The following DLGAP1 variants were observed in gnomAD, a reference collection of about 807,000 sequenced individuals.
DLGAP1 encodes DLG associated protein 1, also known as disks large-associated protein 1.
Under a neutral mutation model 90.8 loss-of-function variants are expected in DLGAP1, and 11 were observed. The ratio of observed to expected loss-of-function variants is 0.12; its 90% CI spans 0.08 to 0.20. The LOEUF (loss-of-function observed/expected upper bound fraction) is 0.20. DLGAP1 is among the 10% of genes least tolerant of loss of function. DLGAP1 has a pLI of 1.00. For synonymous variants in DLGAP1, 558 were observed against 540.7 expected, an observed-to-expected ratio of 1.03 and a Z score of -0.44; for missense variants, 1,050 against 1,333.8, an observed-to-expected ratio of 0.79 and a Z score of 3.31.
chr18:3,640,548 G>A (rs536733680), intron 7 of DLGAP1, among the ~76,000 whole-genome samples: 2 of 152,328 alleles, frequency 1.3e-5, no homozygotes, highest in African/African-American at 2.4e-5. Flanking sequence ...TGGAGACACC[G>A]GCAGGTCAGG....
At chr18:4,257,790 A>G (rs948626397) in intron 1 of DLGAP1, among the ~76,000 whole-genome samples, 6 of 151,750 alleles carry the variant, frequency 4.0e-5, no homozygotes, top group African/African-American at 1.5e-4. Context: ...ATGCCTGGCT[A>G]ATTTCTGTAT....
chr18:4,161,636 A>G (rs1177009429), intron 1 of DLGAP1, among the ~76,000 whole-genome samples: 1 of 152,184 alleles, frequency 6.6e-6, no homozygotes, highest in Non-Finnish European at 1.5e-5. Context: ...GTTGGTGACT[A>G]GTTCATTTGT....
chr18:4,417,063 G>A (rs999665612), intron 1 of DLGAP1, among the ~76,000 whole-genome samples: 2 of 152,156 alleles, frequency 1.3e-5, no homozygotes, highest in African/African-American at 4.8e-5. Flanking sequence ...TGTTCAGGGA[G>A]TCTGTAAGAT....
chr18:3,946,618 C>CA (rs1005708537), intron 3 of DLGAP1, among the ~76,000 whole-genome samples: 2 of 151,968 alleles, frequency 1.3e-5, no homozygotes, highest in African/African-American at 2.4e-5. Flanking sequence ...GAGAAACAAA[C>CA]AAAAACACTC....
At chr18:4,001,282 CT>C (rs1166684436) in intron 3 of DLGAP1, among the ~76,000 whole-genome samples, 1 of 151,818 alleles carries the variant, frequency 6.6e-6, no homozygotes, top group African/African-American at 2.4e-5. Context: ...AAATTAGCTT[CT>C]TTTTGAGTTC....
intron 7 of DLGAP1, among the ~76,000 whole-genome samples, chr18:3,632,950 T>C (rs951667509): frequency 1.3e-4 from 20 of 151,988 alleles, no homozygotes; most frequent in Admixed American, 3.3e-4. Context: ...AGATGGGGAG[T>C]GGATCATATG....
At chr18:3,920,066 G>A (rs1394532296) in intron 3 of DLGAP1, among the ~76,000 whole-genome samples, 1 of 152,128 alleles carries the variant, frequency 6.6e-6, no homozygotes, top group African/African-American at 2.4e-5. Context: ...ACTGGGCCCG[G>A]ACACAGTGGC....
At chr18:4,408,046 T>C (rs1425603033) in intron 1 of DLGAP1, among the ~76,000 whole-genome samples, 1 of 152,100 alleles carries the variant, frequency 6.6e-6, no homozygotes. Flanking sequence ...AAATCTGTAA[T>C]CAAGTTTGGG....
At chr18:4,387,667 T>C (rs1327201250) in intron 1 of DLGAP1, among the ~76,000 whole-genome samples, 1 of 152,054 alleles carries the variant, frequency 6.6e-6, no homozygotes, top group African/African-American at 2.4e-5. Flanking sequence ...GCTGAGGAAG[T>C]TAAGTAAAGA....
At position 3,711,153 on chromosome 18, in the gene DLGAP1, G is replaced by A. The variant is rs551722629; in HGVS notation, c.1591+17982C>T. Among the ~76,000 whole-genome samples the A allele has an allele frequency of 6.6e-6, 1 of 152,252 alleles. No homozygotes were observed. The highest frequency in any genetic ancestry group is 1.5e-5 in the Non-Finnish European group (1 of 68,042). Reference sequence around the variant, plus strand: ...AACACGATGATCTCAGCCACAGAGTGTAAGAGGGCAGCACAAAGGGAAGTA... The same window carrying A: ...AACACGATGATCTCAGCCACAGAGTATAAGAGGGCAGCACAAAGGGAAGTA... On this transcript the variant is annotated intron_variant, in intron 7 of 12. Transcript: ENST00000315677. The surrounding 1 kb of genome is among the most constrained non-coding windows in gnomAD (Gnocchi z 4.0).
chr18:4,181,297 T>G (rs2144661252), intron 1 of DLGAP1, among the ~76,000 whole-genome samples: 1 of 152,280 alleles, frequency 6.6e-6, no homozygotes, highest in African/African-American at 2.4e-5. Context: ...AAAATATGCT[T>G]CCCTCCTGAA....
rs544271164 is a variant in DLGAP1, at chr18:3,845,349, G to C, written c.958-31076C>G. ...ATTTAGCTTCTCTCTATGATTTGCCGATTCTAAGTGGTTGAGTGAGGCAGT... is the reference window on the plus strand; with the variant it reads ...ATTTAGCTTCTCTCTATGATTTGCCCATTCTAAGTGGTTGAGTGAGGCAGT... On this transcript the variant is annotated intron_variant, in intron 4 of 12. Coordinates refer to ENST00000315677, the MANE Select transcript of DLGAP1 (RefSeq NM_004746.4). 24 of 1,556,570 alleles carry C rather than the reference G, an allele frequency of 1.5e-5. No homozygotes were observed. The East Asian group carries it at 4.8e-4, about 31-fold the overall frequency.
In DLGAP1 at chr18:3,682,126, A is replaced by T. The variant is rs1274362123; in HGVS notation, c.1591+47009T>A. On this transcript the variant is annotated intron_variant, in intron 7 of 12. Transcript: ENST00000315677. The stretch of plus-strand genomic sequence containing the variant: ...GGCGAGACCCTGTCTCAAAAAAAAA[A>T]AAAATAAAAAAAAATAAAAATAACG... Among the ~76,000 whole-genome samples the T allele has an allele frequency of 1.5e-3, 186 of 121,424 alleles. 2 individuals are homozygous for T. Among genetic ancestry groups the T allele is most frequent in the African/African-American group, 7.2e-3 (172 of 24,024 alleles). 79.7% of individuals were successfully genotyped at this position (121,424 alleles called of 152,430 possible).
chr18:3,794,627 A>G lies in DLGAP1; in HGVS notation c.1172+19432T>C, dbSNP rs149688175. ...GTGTGGGACAGGAAAGGCTGACATA[A>G]AACAATGGGATTGAGTCATTCATGT... is the stretch of plus-strand genomic sequence containing the variant. On this transcript the variant is annotated intron_variant, in intron 5 of 12. Coordinates refer to ENST00000315677, the MANE Select transcript of DLGAP1 (RefSeq NM_004746.4). Among the ~76,000 whole-genome samples the G allele has an allele frequency of 2.1e-3, 317 of 152,324 alleles. 1 individual carries two copies. Among genetic ancestry groups the G allele is most frequent in the African/African-American group, 7.0e-3 (292 of 41,568 alleles).
chr18:3,784,498 T>C (rs2065352934), intron 5 of DLGAP1, among the ~76,000 whole-genome samples: 1 of 152,238 alleles, frequency 6.6e-6, no homozygotes, highest in African/African-American at 2.4e-5. Context: ...AATCTATTTT[T>C]ACTCCTCTGT....
chr18:4,141,969 C>T (rs565869873), intron 2 of DLGAP1, among the ~76,000 whole-genome samples: 90 of 152,010 alleles, frequency 5.9e-4, no homozygotes, highest in South Asian at 2.1e-3. Flanking sequence ...AGGATTGGTC[C>T]CTGGTGACTT....
intron 3 of DLGAP1, among the ~76,000 whole-genome samples, chr18:3,939,663 T>C (rs2072727556): frequency 6.6e-6 from 1 of 152,164 alleles, no homozygotes; most frequent in Non-Finnish European, 1.5e-5. Context: ...TTTCATGCTC[T>C]TTTGAGTTGA....
At chr18:3,745,369 C>T (rs1188036072) in intron 5 of DLGAP1, among the ~76,000 whole-genome samples, 4 of 152,036 alleles carry the variant, frequency 2.6e-5, no homozygotes, top group Non-Finnish European at 4.4e-5. Context: ...TCCACAAAAC[C>T]GTTGTAAAAA....
chr18:4,001,079 T>C (rs1384953286), intron 3 of DLGAP1, among the ~76,000 whole-genome samples: 1 of 151,128 alleles, frequency 6.6e-6, no homozygotes, highest in Non-Finnish European at 1.5e-5. Context: ...GCCATTTTCA[T>C]ATGTATGTTT....
Sources: allele counts gnomAD v4.1 joint callset (sites outside exome capture counted in the v4.1 genomes callset), GRCh38; gene constraint gnomAD v4.1.1; non-coding constraint Gnocchi (gnomAD v3.1); transcripts MANE v1.5; gene names NCBI Gene and HGNC (gene_info 2026-07-23, HGNC 2026-07-21).